Variants in RBFOX1 observed in about 807,000 individuals in gnomAD.
RBFOX1 encodes the protein RNA binding protein fox-1 homolog 1.
Under a neutral mutation model 57.7 loss-of-function variants are expected in RBFOX1, and 8 were observed. That is an observed-to-expected ratio of 0.14 (90% confidence interval 0.08 to 0.25). The LOEUF is 0.25. Among genes scored for constraint, RBFOX1 ranks in the 10% least tolerant of loss-of-function variants. The pLI, the probability that RBFOX1 is intolerant of heterozygous loss-of-function variation, is 1.00. For missense variants in RBFOX1, 611 were observed against 548.5 expected (o/e 1.11, Z -1.14); for synonymous variants, 326 against 222.4 (o/e 1.47, Z -4.15).
rs146799192 is a variant in RBFOX1, at chr16:7,345,756, C to G, written c.28-172391C>G. The stretch of plus-strand genomic sequence containing the variant: ...CATATGGGATTCTTATCTGTCCAAA[C>G]AGTTGTGGGATTTGGGTTAGAGACG... On this transcript the variant is annotated intron_variant, in intron 4 of 15. Transcript: ENST00000550418. Among the ~76,000 whole-genome samples the G allele has an allele frequency of 4.2e-3, 639 of 152,250 alleles. 5 individuals are homozygous for G. Among genetic ancestry groups the G allele is most frequent in the Non-Finnish European group, 6.8e-3 (461 of 68,014 alleles).
chr16:6,946,508 C>T (rs2079551705), intron 3 of RBFOX1, among the ~76,000 whole-genome samples: 1 of 152,204 alleles, frequency 6.6e-6, no homozygotes, highest in African/African-American at 2.4e-5. Flanking sequence ...CCTTGTTTTA[C>T]ATCTCCCATC....
intron 5 of RBFOX1, among the ~76,000 whole-genome samples, chr16:7,518,754 G>A (rs550849123): frequency 3.9e-5 from 6 of 152,182 alleles, no homozygotes; most frequent in Non-Finnish European, 8.8e-5. Flanking sequence ...TGGGTGTGGT[G>A]GCTCATGCCT....
chr16:5,605,416 G>A (rs546806128), intron 3 of RBFOX1, among the ~76,000 whole-genome samples: 29 of 152,340 alleles, frequency 1.9e-4, no homozygotes, highest in African/African-American at 7.0e-4. Context: ...CCAGGTCAAG[G>A]ATGCCAAGGC....
chr16:6,399,830 TAC>T (rs1220567380), intron 2 of RBFOX1, among the ~76,000 whole-genome samples: 2 of 152,204 alleles, frequency 1.3e-5, no homozygotes, highest in Non-Finnish European at 2.9e-5. Context: ...TCAGGAAAGT[TAC>T]AGTCATCATG....
At chr16:7,056,629 G>A (rs2052376419) in intron 4 of RBFOX1, among the ~76,000 whole-genome samples, 1 of 152,154 alleles carries the variant, frequency 6.6e-6, no homozygotes, top group African/African-American at 2.4e-5. Flanking sequence ...TCTACCAGTT[G>A]AGGGAGATTG....
At chr16:6,806,057 T>C (rs1490861167) in intron 3 of RBFOX1, among the ~76,000 whole-genome samples, 1 of 152,178 alleles carries the variant, frequency 6.6e-6, no homozygotes, top group African/African-American at 2.4e-5. Flanking sequence ...TAAGAAGTCA[T>C]CCAGCAGCTT....
chr16:5,750,327 A>G (rs1471575321), intron 3 of RBFOX1, among the ~76,000 whole-genome samples: 1 of 152,200 alleles, frequency 6.6e-6, no homozygotes, highest in Non-Finnish European at 1.5e-5. Context: ...AACGTACTTG[A>G]GGAGGCAGAC....
At chr16:5,498,708 C>G (rs1436181433) in intron 2 of RBFOX1, among the ~76,000 whole-genome samples, 3 of 152,206 alleles carry the variant, frequency 2.0e-5, no homozygotes, top group Admixed American at 6.5e-5. Context: ...AACCTGATCT[C>G]TTATTTCCCA....
intron 4 of RBFOX1, among the ~76,000 whole-genome samples, chr16:7,088,750 A>T (rs890700088): frequency 3.3e-5 from 5 of 152,224 alleles, no homozygotes; most frequent in Non-Finnish European, 7.3e-5. Context: ...TTCTTATGCC[A>T]GTAACCAAAG....
chr16:6,800,967 A>G (rs770156776), intron 3 of RBFOX1, among the ~76,000 whole-genome samples: 3 of 152,150 alleles, frequency 2.0e-5, no homozygotes, highest in Non-Finnish European at 2.9e-5. Context: ...GTATCTGACA[A>G]CAGTGTGGGA....
At chr16:7,175,701 G>A (rs1051722250) in intron 4 of RBFOX1, among the ~76,000 whole-genome samples, 8 of 152,164 alleles carry the variant, frequency 5.3e-5, no homozygotes, top group East Asian at 1.9e-4. Flanking sequence ...CAAGCTTCCC[G>A]AGGTTACCTC....
At chr16:6,377,919 G>C (rs1489015282) in intron 2 of RBFOX1, among the ~76,000 whole-genome samples, 1 of 152,152 alleles carries the variant, frequency 6.6e-6, no homozygotes, top group Non-Finnish European at 1.5e-5. Context: ...TCCAAGAGGT[G>C]CTTCTCAAAG....
intron 1 of RBFOX1, among the ~76,000 whole-genome samples, chr16:5,357,135 A>G (rs2065412271): frequency 6.6e-6 from 1 of 152,082 alleles, no homozygotes; most frequent in Admixed American, 6.6e-5. Flanking sequence ...TGTTGAGTGC[A>G]CCTCTTGGGC....
intron 2 of RBFOX1, among the ~76,000 whole-genome samples, chr16:5,467,683 T>C (rs1390220627): frequency 6.6e-6 from 1 of 152,194 alleles, no homozygotes; most frequent in Non-Finnish European, 1.5e-5. Context: ...AACAGATCTA[T>C]ACCTTAGGGC....
intron 4 of RBFOX1, among the ~76,000 whole-genome samples, chr16:5,924,622 C>G (rs899874745): frequency 6.6e-6 from 1 of 152,212 alleles, no homozygotes; most frequent in Non-Finnish European, 1.5e-5. Context: ...GAAACAGATG[C>G]TGGCACCATG....
intron 2 of RBFOX1, among the ~76,000 whole-genome samples, chr16:6,429,615 A>G (rs2094021843): frequency 6.6e-6 from 1 of 152,148 alleles, no homozygotes; most frequent in Non-Finnish European, 1.5e-5. Context: ...CCATGTGTCA[A>G]GGGTGGGGCC....
intron 2 of RBFOX1, among the ~76,000 whole-genome samples, chr16:6,371,476 A>G (rs1272401983): frequency 6.6e-6 from 1 of 152,188 alleles, no homozygotes; most frequent in African/African-American, 2.4e-5. Flanking sequence ...GTTGTATCAT[A>G]TGTATTCACT....
At chr16:6,498,642 C>T (rs1367982367) in intron 2 of RBFOX1, among the ~76,000 whole-genome samples, 3 of 152,088 alleles carry the variant, frequency 2.0e-5, no homozygotes, top group Non-Finnish European at 4.4e-5. Context: ...ACAATGTCTG[C>T]CCATATTAAG....
intron 3 of RBFOX1, among the ~76,000 whole-genome samples, chr16:5,629,368 C>T (rs989973047): frequency 6.6e-6 from 1 of 152,208 alleles, no homozygotes; most frequent in African/African-American, 2.4e-5. Context: ...TATAAACCCA[C>T]ACAGCTCTGC....
Sources: gnomAD v4.1 joint callset for allele counts (sites outside exome capture counted in the v4.1 genomes callset) on GRCh38, gnomAD v4.1.1 for gene constraint, MANE v1.5 for transcripts, NCBI Gene and HGNC (gene_info 2026-07-23, HGNC 2026-07-21) for gene names.